Variants in PRDM15 observed in about 807,000 individuals in gnomAD.
PRDM15 encodes the protein PR domain zinc finger protein 15.
In PRDM15, 64 loss-of-function variants were observed where a neutral mutation model predicts 128.6. That is an observed-to-expected ratio of 0.50 (90% CI 0.41 to 0.61). The LOEUF (loss-of-function observed/expected upper bound fraction) is 0.61. Among genes scored for constraint, PRDM15 ranks in the 20% least tolerant of loss-of-function variants. PRDM15 has a pLI of 0.00. For missense variants in PRDM15, 1,242 were observed against 1,569.1 expected, an observed-to-expected ratio of 0.79 and a Z score of 3.52; for synonymous variants, 615 against 621.8, an observed-to-expected ratio of 0.99 and a Z score of 0.16.
In PRDM15 at chr21:41,810,563, G is replaced by A; in HGVS notation, c.2476+190C>T. 3 of 644,664 alleles carry A rather than the reference G, an allele frequency of 4.7e-6. No homozygotes were observed. Among genetic ancestry groups the A allele is most frequent in the Non-Finnish European group, 8.0e-6 (3 of 374,716 alleles). The allele number at this position is 644,664 out of a possible 1,614,324, so 39.9% of individuals were successfully genotyped here. ...ACGGAACCAATATGAGAAAATTCAAGAAGGGATACTTGAAAGCTGTGGCGG... is the reference window on the plus strand; with the variant it reads ...ACGGAACCAATATGAGAAAATTCAAAAAGGGATACTTGAAAGCTGTGGCGG... On this transcript the variant is annotated intron_variant, in intron 20 of 23. Transcript: ENST00000398548. This position sits in a 1 kb window ranked among gnomAD's most constrained non-coding sequence, Gnocchi z 6.4.
chr21:41,820,028 C>T (rs2062197698), intron 17 of PRDM15, 67 bp downstream of exon 17: 1 of 1,350,080 alleles, frequency 7.4e-7, no homozygotes. Flanking sequence ...CGCGGAGACC[C>T]CCAGCATCCC....
chr21:41,863,649 C>T (rs946293838), intron 1 of PRDM15, among the ~76,000 whole-genome samples: 19 of 152,192 alleles, frequency 1.2e-4, no homozygotes, highest in African/African-American at 4.6e-4. Flanking sequence ...AGGTTCCTTA[C>T]ACGGAACGCT....
At chr21:41,837,849 G>T in intron 8 of PRDM15, 85 bp downstream of exon 8, 1 of 1,483,380 alleles carries the variant, frequency 6.7e-7, no homozygotes, top group Non-Finnish European at 9.4e-7. Context: ...TTTCCTGCTG[G>T]GAAGGTGCCT....
chr21:41,867,483 A>C, intron 1 of PRDM15: 1 of 883,422 alleles, frequency 1.1e-6, no homozygotes, highest in Non-Finnish European at 1.8e-6. Flanking sequence ...CCCAGGCTGG[A>C]GCGCAGTGGT....
At position 41,799,425 on chromosome 21, in the gene PRDM15, CAT is replaced by C. The variant is rs2061367537; in HGVS notation, c.*1813_*1814del. The C allele has an allele frequency of 6.6e-6, 1 of 152,104 alleles. No individual in the cohort carries two copies. The highest frequency in any genetic ancestry group is 2.1e-4 in the South Asian group (1 of 4,826). The allele number at this position is 152,104 out of a possible 1,614,324, so 9.4% of individuals were successfully genotyped here. A position where few individuals can be genotyped will look rare whatever the true frequency, so the allele number is the denominator to read the frequency against. On this transcript the variant is annotated 3_prime_UTR_variant, in exon 24 of 24. Transcript: ENST00000398548. ...AACAGTTAATTATATACATAAATAA[CAT>C]AAAATAATTCTCATAAATTAAAAGT... is the stretch of plus-strand genomic sequence containing the variant.
chr21:41,821,569 G>A lies in PRDM15; in HGVS notation c.1896+334C>T, dbSNP rs1035729334. On this transcript the variant is annotated intron_variant, in intron 15 of 23. Coordinates refer to ENST00000398548, the MANE Select transcript of PRDM15 (RefSeq NM_001040424.3). This position sits in a 1 kb window ranked among gnomAD's most constrained non-coding sequence, Gnocchi z 5.4. ...GGGAGGGGAAAAGGGGAGGAGAGAGGCGCCCCAGCCTGCAGCCAGCACAGC... is the reference window on the plus strand; with the variant it reads ...GGGAGGGGAAAAGGGGAGGAGAGAGACGCCCCAGCCTGCAGCCAGCACAGC... 6.6e-6 allele frequency among the ~76,000 whole-genome samples: 1 copy of A among 152,114 alleles called. No individual in the cohort carries two copies. The highest frequency in any genetic ancestry group is 2.4e-5 in the African/African-American group (1 of 41,440).
chr21:41,867,453 G>C lies in PRDM15; in HGVS notation c.-9-7081C>G, dbSNP rs2064051802. 4.9e-5 allele frequency: 56 copies of C among 1,142,664 alleles called. No individual in the cohort carries two copies. The South Asian group carries it at 7.0e-4, about 14-fold the overall frequency. The allele number at this position is 1,142,664 out of a possible 1,614,324, so 70.8% of individuals were successfully genotyped here. A position where few individuals can be genotyped will look rare whatever the true frequency, so the allele number is the denominator to read the frequency against. ...ACAGGTGAAACATACATGTTGAAGAGACAGAGTCTCACTATGTTGCCCAGG... is the reference window on the plus strand; with the variant it reads ...ACAGGTGAAACATACATGTTGAAGACACAGAGTCTCACTATGTTGCCCAGG... On this transcript the variant is annotated intron_variant, in intron 1 of 23. Coordinates refer to ENST00000398548, the MANE Select transcript of PRDM15 (RefSeq NM_001040424.3).
chr21:41,820,283 C>T (rs368326753), intron 16 of PRDM15, 109 bp from the exon 17 acceptor site: 99 of 773,010 alleles, frequency 1.3e-4, no homozygotes, highest in African/African-American at 5.8e-4. Flanking sequence ...CAAGGTGCCA[C>T]GGGGATGATA....
intron 11 of PRDM15, among the ~76,000 whole-genome samples, chr21:41,830,779 C>T (rs1568942037): frequency 6.6e-6 from 1 of 152,232 alleles, no homozygotes; most frequent in Non-Finnish European, 1.5e-5. Flanking sequence ...GCATCCCAGA[C>T]CTCATCTCCA....
rs528981823 is a variant in PRDM15 at position 41,809,074 on chromosome 21, G to A, written c.2652+1080C>T. On this transcript the variant is annotated intron_variant, in intron 21 of 23. Coordinates refer to ENST00000398548, the MANE Select transcript of PRDM15 (RefSeq NM_001040424.3). ...TTCTGGGATGCGCGGTGAGCTGAAC[G>A]CCTTTCCGTGTGTTTTTCACCACGG... Among the ~76,000 whole-genome samples the A allele has an allele frequency of 7.9e-5, 12 of 152,300 alleles. 1 individual carries two copies. In the South Asian group the frequency reaches 1.9e-3, roughly 24 times the overall value.
chr21:41,816,549 A>G (rs2062059765), intron 18 of PRDM15, among the ~76,000 whole-genome samples: 1 of 152,226 alleles, frequency 6.6e-6, no homozygotes, highest in South Asian at 2.1e-4. Flanking sequence ...CTGCACTCCC[A>G]GGCCACCGTG....
At position 41,877,860 on chromosome 21, in the gene PRDM15, G is replaced by A. The variant is rs180762052; in HGVS notation, c.-10+1410C>T. ...CAAAAAGTATGAATCACAGATAGAA[G>A]AAAAACAAACTATAAAAAAAATGGT... On this transcript the variant is annotated intron_variant, in intron 1 of 23. Coordinates refer to ENST00000398548, the MANE Select transcript of PRDM15 (RefSeq NM_001040424.3). Among the ~76,000 whole-genome samples, 504 of 148,188 alleles carry A rather than the reference G, an allele frequency of 3.4e-3. 3 individuals are homozygous for A. Among genetic ancestry groups the A allele is most frequent in the Non-Finnish European group, 6.1e-3 (407 of 67,042 alleles).
At position 41,828,131 on chromosome 21, in the gene PRDM15, C is replaced by T; in HGVS notation, c.1534+35G>A. ...CTGCCCCACCCCGCAGGAGCTGCCTCTCCCCGCCCGCAGCAGGTGCGCAGG... is the reference window on the plus strand; with the variant it reads ...CTGCCCCACCCCGCAGGAGCTGCCTTTCCCCGCCCGCAGCAGGTGCGCAGG... On this transcript the variant is annotated intron_variant, in intron 12 of 23. Coordinates refer to ENST00000398548, the MANE Select transcript of PRDM15 (RefSeq NM_001040424.3). The surrounding 1 kb of genome is among the most constrained non-coding windows in gnomAD (Gnocchi z 5.7). 1 of 1,608,416 alleles carries T rather than the reference C, an allele frequency of 6.2e-7. No homozygotes were observed.
chr21:41,854,832 G>A lies in PRDM15; in HGVS notation c.286-14C>T, dbSNP rs183176990. 31 of 1,590,676 alleles carry A rather than the reference G, an allele frequency of 1.9e-5. 1 individual carries two copies. The East Asian group carries it at 2.3e-4, about 12-fold the overall frequency. ...CTTCTGGAACACCTGAAGGTGAGTCGGCCCATGGAGAAGCCGGGGAAATGG... is the reference window on the plus strand; with the variant it reads ...CTTCTGGAACACCTGAAGGTGAGTCAGCCCATGGAGAAGCCGGGGAAATGG... On this transcript the variant is annotated splice_polypyrimidine_tract_variant and intron_variant, in intron 4 of 23. Transcript: ENST00000398548. This position sits in a 1 kb window ranked among gnomAD's most constrained non-coding sequence, Gnocchi z 4.6.
chr21:41,802,745 G>A lies in PRDM15; in HGVS notation c.2910C>T (p.Asp970=), dbSNP rs370038783. ...KETEFTGSVG[D]ETNSAVQSIQ... is the part of the protein sequence containing the mutation. ...TGCTCTGTACTGCGGAATTGGTCTC[G>A]TCGCCTACACTGCCTGTGAACTCCG... Residue 970 remains aspartate, a synonymous_variant, in exon 23 of 24, where the codon GAC becomes GAT. Transcript: ENST00000398548. 3.8e-5 allele frequency: 62 copies of A among 1,614,182 alleles called. No homozygotes were observed. Among genetic ancestry groups the A allele is most frequent in the Admixed American group, 3.2e-4 (19 of 60,018 alleles).
intron 1 of PRDM15, among the ~76,000 whole-genome samples, chr21:41,869,506 G>C (rs1293375783): frequency 6.6e-6 from 1 of 151,128 alleles, no homozygotes; most frequent in South Asian, 2.1e-4. Flanking sequence ...GGGTCCAATG[G>C]TGCGATCTCG....
chr21:41,871,339 C>G (rs1003578320), intron 1 of PRDM15, among the ~76,000 whole-genome samples: 1 of 148,018 alleles, frequency 6.8e-6, no homozygotes, highest in African/African-American at 2.5e-5. Flanking sequence ...ATTCCCCCCA[C>G]CCCCACCCCC....
At chr21:41,848,184 C>G (rs764784755) in intron 5 of PRDM15, among the ~76,000 whole-genome samples, 1 of 152,174 alleles carries the variant, frequency 6.6e-6, no homozygotes, top group Non-Finnish European at 1.5e-5. Context: ...AAAAAATAAT[C>G]CAGAAGTACA....
At chr21:41,802,596 TG>T in intron 23 of PRDM15, 115 bp downstream of exon 23, 1 of 854,170 alleles carries the variant, frequency 1.2e-6, no homozygotes. Context: ...TTCAACCACA[TG>T]AAGTCCACAT....
Sources: gnomAD v4.1 joint callset for allele counts (sites outside exome capture counted in the v4.1 genomes callset) on GRCh38, gnomAD v4.1.1 for gene constraint, Gnocchi (gnomAD v3.1) non-coding constraint, MANE v1.5 for transcripts, NCBI Gene and HGNC (gene_info 2026-07-23, HGNC 2026-07-21) for gene names.